The following PTPN13 variants were observed in gnomAD, a reference collection of about 807,000 sequenced individuals.
PTPN13 encodes protein tyrosine phosphatase non-receptor type 13.
In PTPN13, 191 loss-of-function variants were observed where a neutral mutation model predicts 284.0. That is an observed-to-expected ratio of 0.67 (90% CI 0.60 to 0.76). The LOEUF (loss-of-function observed/expected upper bound fraction) is 0.76, where lower values mean the gene tolerates loss of function less well. PTPN13 is among the 30% of genes least tolerant of loss of function. The pLI is 0.00. For synonymous variants in PTPN13, 986 were observed against 1,022.3 expected, an observed-to-expected ratio of 0.96 and a Z score of 0.68; for missense variants, 2,797 against 2,939.9, an observed-to-expected ratio of 0.95 and a Z score of 1.12.
intron 10 of PTPN13, among the ~76,000 whole-genome samples, chr4:86,727,111 A>G (rs141237695): frequency 6.7e-6 from 1 of 149,782 alleles, no homozygotes; most frequent in African/African-American, 2.4e-5. Flanking sequence ...GTGTTGAATT[A>G]CATTTATTGA....
chr4:86,693,719 C>A, intron 6 of PTPN13, 45 bp downstream of exon 6: 1 of 1,361,558 alleles, frequency 7.3e-7, no homozygotes, highest in Admixed American at 2.4e-5. Flanking sequence ...AACCTTATCC[C>A]ATTGTTTTCT....
At chr4:86,706,278 G>C (rs1731756373) in intron 7 of PTPN13, among the ~76,000 whole-genome samples, 2 of 152,148 alleles carry the variant, frequency 1.3e-5, no homozygotes, top group Non-Finnish European at 2.9e-5. Flanking sequence ...CCACTCTGCT[G>C]TCCTGATTTA....
intron 2 of PTPN13, among the ~76,000 whole-genome samples, chr4:86,670,679 A>G (rs761679628): frequency 1.7e-4 from 26 of 152,112 alleles, no homozygotes; most frequent in Non-Finnish European, 2.6e-4. Context: ...TGATAATTTG[A>G]CAGAAATTGA....
rs1565531793 is a variant in PTPN13, at chr4:86,769,903, G to A, written c.4624G>A (p.Ala1542Thr). 1.2e-6 allele frequency: 2 copies of A among 1,613,952 alleles called. No individual in the cohort carries two copies. Among genetic ancestry groups the A allele is most frequent in the Non-Finnish European group, 1.7e-6 (2 of 1,179,870 alleles). The change falls in exon 29 of 48, where the codon GCA becomes ACA. Residue 1542 changes from alanine (A) to threonine (T), a missense_variant. By Grantham distance (58) the Ala-to-Thr change is moderately conservative (BLOSUM62 0). Transcript: ENST00000411767. ...RVKKLFPGQP[A>T]AESGKIDVGD... ...TAAAAAGCTCTTTCCTGGACAGCCA[G>A]CAGCAGAAAGTGGAAAAATTGATGT...
Position 86,701,355 on chromosome 4 carries a change from A to G in PTPN13, c.749A>G (p.Gln250Arg). 1 of 1,612,854 alleles carries G rather than the reference A, an allele frequency of 6.2e-7. No individual in the cohort carries two copies. Among genetic ancestry groups the G allele is most frequent in the East Asian group, 2.2e-5 (1 of 44,882 alleles). Residue 250 changes from glutamine (Q) to arginine (R), a missense_variant, in exon 7 of 48, where the codon CAA (glutamine) becomes CGA (arginine). Transcript: ENST00000411767. ...SMGFLSIKDT[Q>R]DENYFKDILS... ...GGATTTCTGTCCATCAAAGATACACAAGATGAGAATTATTTCAAGGACATT... is the reference window on the plus strand; with the variant it reads ...GGATTTCTGTCCATCAAAGATACACGAGATGAGAATTATTTCAAGGACATT...
intron 47 of PTPN13, among the ~76,000 whole-genome samples, chr4:86,813,574 A>G (rs1745467790): frequency 6.6e-6 from 1 of 152,062 alleles, no homozygotes; most frequent in Non-Finnish European, 1.5e-5. Flanking sequence ...CTTCCTGAGT[A>G]GCTGGGATTA....
In PTPN13 at chr4:86,805,402, T is replaced by C. The variant is rs779302826; in HGVS notation, c.6745+33T>C. The C allele has an allele frequency of 4.4e-5, 60 of 1,363,976 alleles. No homozygotes were observed. The East Asian group carries it at 9.5e-4, about 22-fold the overall frequency. 84.5% of individuals were successfully genotyped at this position (1,363,976 alleles called of 1,614,324 possible). ...CCAGTTTGGCTTCAGATTTAATATG[T>C]GATCAGTATAATATTAATGGATTAA... is the stretch of plus-strand genomic sequence containing the variant. On this transcript the variant is annotated intron_variant, in intron 44 of 47. Transcript: ENST00000411767.
At chr4:86,662,852 G>GT (rs1341732967) in intron 2 of PTPN13, among the ~76,000 whole-genome samples, 5 of 152,094 alleles carry the variant, frequency 3.3e-5, no homozygotes, top group African/African-American at 1.2e-4. Context: ...CACCTCATAC[G>GT]TTATGGATAT....
intron 20 of PTPN13, among the ~76,000 whole-genome samples, chr4:86,757,762 C>CAAAAAAA (rs542129918): frequency 2.7e-5 from 3 of 112,520 alleles, no homozygotes; most frequent in Admixed American, 1.8e-4. Flanking sequence ...GACTCTGTCT[C>CAAAAAAA]AAAAAAAAAA....
At chr4:86,762,611 T>G in intron 23 of PTPN13, 116 bp from the exon 24 acceptor site, 1 of 781,802 alleles carries the variant, frequency 1.3e-6, no homozygotes, top group Non-Finnish European at 2.1e-6. Flanking sequence ...GACCTAATGG[T>G]GTTTTGTGTG....
intron 36 of PTPN13, among the ~76,000 whole-genome samples, 161 bp downstream of exon 36, chr4:86,780,633 G>A (rs28718854): frequency 0.016 from 2,360 of 152,212 alleles, 76 homozygotes; most frequent in African/African-American, 0.054. Context: ...AAGAAAGTAA[G>A]CCTATATTCT....
chr4:86,615,586 G>A (rs1475309682), intron 1 of PTPN13, among the ~76,000 whole-genome samples: 1 of 152,078 alleles, frequency 6.6e-6, no homozygotes, highest in Non-Finnish European at 1.5e-5. Context: ...AAACATGTTA[G>A]AGGTCCTCTG....
chr4:86,640,527 A>G (rs914506864), intron 2 of PTPN13, among the ~76,000 whole-genome samples: 2 of 152,200 alleles, frequency 1.3e-5, no homozygotes, highest in African/African-American at 4.8e-5. Context: ...GTTCAGATAA[A>G]AGACACAACT....
intron 2 of PTPN13, among the ~76,000 whole-genome samples, chr4:86,646,290 A>AT (rs772882076): frequency 0.017 from 2,224 of 132,854 alleles, 32 homozygotes; most frequent in South Asian, 0.075. Context: ...AATATTTGCA[A>AT]TTTTTTTTTT....
rs769859207 is a variant in PTPN13, at chr4:86,799,204, G to C, written c.6505G>C (p.Asp2169His). The C allele has an allele frequency of 6.6e-7, 1 of 1,515,988 alleles. No homozygotes were observed. The highest frequency in any genetic ancestry group is 8.9e-7 in the Non-Finnish European group (1 of 1,129,686). The allele number at this position is 1,515,988 out of a possible 1,614,324, so 93.9% of individuals were successfully genotyped here. A position where few individuals can be genotyped will look rare whatever the true frequency, so the allele number is the denominator to read the frequency against. ...AACAAACCATGAAGATTCTGATAAA[G>C]GCAAGAATTTTAATGACAGTTTTTT... ...ERTNHEDSDK[D>H]HSFLTNDELA... Residue 2169 changes from aspartate (D) to histidine (H), a missense_variant and splice_region_variant, in exon 42 of 48, where the codon GAT becomes CAT. Physicochemically the swap from Asp to His is moderately conservative, Grantham distance 81. Coordinates refer to ENST00000411767, the MANE Select transcript of PTPN13 (RefSeq NM_080683.3).
intron 33 of PTPN13, among the ~76,000 whole-genome samples, 183 bp downstream of exon 33, chr4:86,774,714 T>G (rs1740405169): frequency 6.7e-6 from 1 of 149,826 alleles, no homozygotes; most frequent in Non-Finnish European, 1.5e-5. Flanking sequence ...TATATATATA[T>G]ATATATATTT....
At chr4:86,738,520 GTGTCAA>G (rs2149156624) in intron 15 of PTPN13, among the ~76,000 whole-genome samples, 1 of 152,134 alleles carries the variant, frequency 6.6e-6, no homozygotes, top group South Asian at 2.1e-4. Context: ...CTTTATTGAT[GTGTCAA>G]ATAAAACTTT....
intron 6 of PTPN13, among the ~76,000 whole-genome samples, chr4:86,699,690 G>GT (rs1356708507): frequency 6.6e-6 from 1 of 152,168 alleles, no homozygotes; most frequent in Non-Finnish European, 1.5e-5. Flanking sequence ...AGTCAAGGTA[G>GT]CAGGATAAGG....
intron 9 of PTPN13, among the ~76,000 whole-genome samples, chr4:86,721,967 G>A (rs1397906129): frequency 4.6e-5 from 7 of 151,588 alleles, no homozygotes; most frequent in South Asian, 2.1e-4. Flanking sequence ...GGCTGGTCTC[G>A]AACTCCTGGA....
Sources: allele counts gnomAD v4.1 joint callset (sites outside exome capture counted in the v4.1 genomes callset), GRCh38; gene constraint gnomAD v4.1.1; transcripts MANE v1.5; gene names NCBI Gene and HGNC (gene_info 2026-07-23, HGNC 2026-07-21).